ATP10B: variants seen among roughly 807,000 people sequenced by gnomAD.
ATP10B encodes ATPase phospholipid transporting 10B (putative).
ATP10B carries 122 observed loss-of-function variants against 141.2 expected under a neutral mutation model. The observed-to-expected ratio is 0.86, with a 90% CI of 0.75 to 1.00. The LOEUF (loss-of-function observed/expected upper bound fraction) is 1.00, where lower values mean the gene tolerates loss of function less well. Among genes scored for constraint, ATP10B ranks in the 50% least tolerant of loss-of-function variants. ATP10B has a pLI of 0.00. For missense variants in ATP10B, 1,876 were observed against 1,825.3 expected, an observed-to-expected ratio of 1.03 and a Z score of -0.51; for synonymous variants, 685 against 692.0, an observed-to-expected ratio of 0.99 and a Z score of 0.16.
intron 17 of ATP10B, chr5:160,614,337 CCAGCTAGGGGAAGCCAACAGGTTCT>C (rs1452424526): frequency 6.6e-6 from 1 of 152,018 alleles, no homozygotes; most frequent in African/African-American, 2.4e-5. Context: ...AAAGCCTTTC[CCAGCTAGGGGAAGCCAACAGGTTCT>C]GATAAGTGTG....
chr5:160,841,026 A>G (rs921424878), intron 1 of ATP10B, among the ~76,000 whole-genome samples: 1 of 152,154 alleles, frequency 6.6e-6, no homozygotes, highest in Non-Finnish European at 1.5e-5. Context: ...TTACTGAGGG[A>G]GATTTGGCAT....
At chr5:160,746,991 A>C (rs1767849453) in intron 2 of ATP10B, among the ~76,000 whole-genome samples, 1 of 152,166 alleles carries the variant, frequency 6.6e-6, no homozygotes. Flanking sequence ...GTTGTGCACC[A>C]TATTTGGGGA....
intron 1 of ATP10B, among the ~76,000 whole-genome samples, chr5:160,849,618 T>TACACACACACACAC (rs796968833): frequency 0.18 from 27,073 of 147,952 alleles, 2,636 homozygotes; most frequent in Middle Eastern, 0.29. Flanking sequence ...TACTGGCAAT[T>TACACACACACACAC]ACACACACAC....
intron 18 of ATP10B, among the ~76,000 whole-genome samples, chr5:160,610,547 G>T (rs1473240323): frequency 6.6e-6 from 1 of 152,136 alleles, no homozygotes. Context: ...CCTAAGGTTT[G>T]GAGTAATTTG....
At chr5:160,706,350 A>T (rs1765012171) in intron 3 of ATP10B, among the ~76,000 whole-genome samples, 1 of 152,264 alleles carries the variant, frequency 6.6e-6, no homozygotes, top group African/African-American at 2.4e-5. Flanking sequence ...AGGAAGTTCA[A>T]TGAAGTGAAG....
At chr5:160,853,713 C>G (rs1753920872), upstream of ATP10B, among the ~76,000 whole-genome samples, 1 of 152,080 alleles carries the variant, frequency 6.6e-6, no homozygotes, top group South Asian at 2.1e-4. Context: ...AGACATATGG[C>G]AAATTATTTA....
At chr5:160,873,245 T>G in the ATP10B span, among the ~76,000 whole-genome samples, 1 of 152,166 alleles carries the variant, frequency 6.6e-6, no homozygotes, top group East Asian at 1.9e-4. Context: ...GAGGAGAACT[T>G]CCTCAACTTG....
intron 2 of ATP10B, among the ~76,000 whole-genome samples, chr5:160,757,234 C>T (rs1249378073): frequency 6.6e-6 from 1 of 152,158 alleles, no homozygotes; most frequent in Non-Finnish European, 1.5e-5. Context: ...GTACCTTTGT[C>T]AAAATCATTT....
intron 13 of ATP10B, among the ~76,000 whole-genome samples, chr5:160,625,372 G>A (rs1758557080): frequency 6.6e-6 from 1 of 152,186 alleles, no homozygotes; most frequent in Non-Finnish European, 1.5e-5. Context: ...CCATGAGAGT[G>A]ATAAAAGGGA....
chr5:160,791,623 C>G (rs960853754), intron 1 of ATP10B, among the ~76,000 whole-genome samples: 130 of 152,236 alleles, frequency 8.5e-4, no homozygotes, highest in African/African-American at 3.0e-3. Context: ...CATCAGAGCT[C>G]TAGCCATCAC....
At chr5:160,769,835 GATTT>G (rs1245808183) in intron 2 of ATP10B, among the ~76,000 whole-genome samples, 1 of 152,170 alleles carries the variant, frequency 6.6e-6, no homozygotes, top group Non-Finnish European at 1.5e-5. Flanking sequence ...ATCCCAGCTT[GATTT>G]ATTCAGATCC....
At chr5:160,670,741 G>A (rs1047958977) in intron 6 of ATP10B, 74 bp from the exon 7 acceptor site, 29 of 1,370,988 alleles carry the variant, frequency 2.1e-5, no homozygotes, top group Middle Eastern at 2.6e-4. Context: ...ATAGAGGAAG[G>A]TCCCACCAGC....
At chr5:160,883,199 A>G in the ATP10B span, among the ~76,000 whole-genome samples, 1 of 152,212 alleles carries the variant, frequency 6.6e-6, no homozygotes, top group Non-Finnish European at 1.5e-5. Flanking sequence ...CATCACTTGC[A>G]TATAAAGGCA....
intron 2 of ATP10B, among the ~76,000 whole-genome samples, chr5:160,733,979 A>G (rs1017741559): frequency 2.0e-5 from 3 of 151,166 alleles, no homozygotes; most frequent in Admixed American, 6.6e-5. Flanking sequence ...CCGGTGGTGC[A>G]TGCCTGTAGT....
At chr5:160,635,627 A>G (rs1341624783) in intron 11 of ATP10B, among the ~76,000 whole-genome samples, 6 of 152,226 alleles carry the variant, frequency 3.9e-5, no homozygotes, top group African/African-American at 1.4e-4. Context: ...AACTTCCCTC[A>G]TCTTTTCATT....
intron 1 of ATP10B, among the ~76,000 whole-genome samples, chr5:160,819,822 T>C (rs1217065710): frequency 6.6e-6 from 1 of 152,006 alleles, no homozygotes; most frequent in East Asian, 1.9e-4. Context: ...TCAAAAAACA[T>C]ATAATGGATA....
chr5:160,690,365 TTAAAC>T (rs550641024), intron 3 of ATP10B, among the ~76,000 whole-genome samples: 126 of 152,224 alleles, frequency 8.3e-4, no homozygotes, highest in African/African-American at 3.0e-3. Context: ...TGGGATCTAA[TTAAAC>T]TAAAGAGCTT....
At chr5:160,699,289 A>G (rs943794154) in intron 3 of ATP10B, among the ~76,000 whole-genome samples, 4 of 152,244 alleles carry the variant, frequency 2.6e-5, no homozygotes, top group Non-Finnish European at 5.9e-5. Flanking sequence ...AAATTGTTTT[A>G]TAGATTCTTT....
chr5:160,640,445 C>A lies in ATP10B; in HGVS notation c.1000+16G>T. 6.2e-7 allele frequency: 1 copy of A among 1,612,818 alleles called. No individual in the cohort carries two copies. On this transcript the variant is annotated intron_variant, in intron 10 of 25. Coordinates refer to ENST00000327245, the MANE Select transcript of ATP10B (RefSeq NM_025153.3). ...ATCGATTACTGTGTCCTTGTTCTTT[C>A]CAGAACATCCCATACCTACAGCTCC...
Sources: allele counts gnomAD v4.1 joint callset (sites outside exome capture counted in the v4.1 genomes callset), GRCh38; gene constraint gnomAD v4.1.1; transcripts MANE v1.5; gene names NCBI Gene and HGNC (gene_info 2026-07-23, HGNC 2026-07-21).